Variants in SMARCAD1 observed in about 807,000 individuals in gnomAD.
The protein encoded by SMARCAD1 is SWI/SNF-related matrix-associated actin-dependent regulator of chromatin subfamily A containing DEAD/H box 1.
In SMARCAD1, 25 loss-of-function variants were observed where a neutral mutation model predicts 127.1. The observed-to-expected ratio is 0.20, with a 90% CI of 0.14 to 0.27. The LOEUF is 0.27. SMARCAD1 is among the 10% of genes least tolerant of loss of function. The probability of loss-of-function intolerance (pLI) is 1.00; values close to 1 mark genes in which losing one functional copy is unlikely to be tolerated. For missense variants in SMARCAD1, 807 were observed against 1,206.0 expected (o/e 0.67, Z 4.90); for synonymous variants, 400 against 396.9 (o/e 1.01, Z -0.09).
chr4:94,214,686 A>G (rs940067265), intron 2 of SMARCAD1, among the ~76,000 whole-genome samples: 1 of 152,214 alleles, frequency 6.6e-6, no homozygotes, highest in African/African-American at 2.4e-5. Flanking sequence ...TAACTGTGCA[A>G]AAGAATAAAG....
At chr4:94,241,335 T>C (rs2125884470) in intron 6 of SMARCAD1, among the ~76,000 whole-genome samples, 1 of 152,348 alleles carries the variant, frequency 6.6e-6, no homozygotes, top group South Asian at 2.1e-4. Context: ...CTTTTAAATT[T>C]ATCCAGTATT....
chr4:94,283,078 A>G, intron 21 of SMARCAD1, 43 bp from the exon 22 acceptor site: 1 of 1,516,456 alleles, frequency 6.6e-7, no homozygotes, highest in Non-Finnish European at 9.1e-7. Context: ...ATTACATTAT[A>G]CAACTTTTTA....
At chr4:94,287,935 G>C (rs1156280847) in intron 23 of SMARCAD1, among the ~76,000 whole-genome samples, 1 of 151,938 alleles carries the variant, frequency 6.6e-6, no homozygotes, top group African/African-American at 2.4e-5. Context: ...AGGATCGTTT[G>C]AGCCCAGGAG....
chr4:94,257,757 T>C (rs990420987), intron 9 of SMARCAD1, among the ~76,000 whole-genome samples: 2 of 152,202 alleles, frequency 1.3e-5, no homozygotes, highest in African/African-American at 4.8e-5. Flanking sequence ...TTCATGACTT[T>C]TTGTCTCATT....
At chr4:94,231,090 A>G (rs1420788380) in intron 3 of SMARCAD1, among the ~76,000 whole-genome samples, 1 of 152,200 alleles carries the variant, frequency 6.6e-6, no homozygotes, top group Non-Finnish European at 1.5e-5. Context: ...TAAAAACAAT[A>G]AGTTTGAGAA....
chr4:94,260,252 T>A (rs1579248547), intron 9 of SMARCAD1, among the ~76,000 whole-genome samples: 1 of 152,350 alleles, frequency 6.6e-6, no homozygotes, highest in Admixed American at 6.5e-5. Context: ...GACAGTAATA[T>A]CTGATTGTTA....
chr4:94,289,250 A>T (rs932273914), intron 23 of SMARCAD1, among the ~76,000 whole-genome samples: 1 of 152,162 alleles, frequency 6.6e-6, no homozygotes, highest in African/African-American at 2.4e-5. Context: ...AATTGGAAAA[A>T]TAACCTTAGA....
At chr4:94,257,290 CCCAAATTCTA>C (rs1392985984) in intron 9 of SMARCAD1, among the ~76,000 whole-genome samples, 2 of 151,932 alleles carry the variant, frequency 1.3e-5, no homozygotes, top group African/African-American at 2.4e-5. Context: ...TAAAGTTTAC[CCCAAATTCTA>C]CCAAAGATAC....
At position 94,291,275 on chromosome 4, in the gene SMARCAD1, A is replaced by C. The variant is rs1755655542; in HGVS notation, c.*1741A>C. ...CGCTATTATGTCTTGGGCTTAATAA[A>C]AATATTTGTGATCATAAGTTGTATT... On this transcript the variant is annotated 3_prime_UTR_variant, in exon 24 of 24. Coordinates refer to ENST00000354268, the MANE Select transcript of SMARCAD1 (RefSeq NM_020159.5). 4.5e-6 allele frequency: 2 copies of C among 447,458 alleles called. No homozygotes were observed. The highest frequency in any genetic ancestry group is 8.9e-6 in the Non-Finnish European group (2 of 225,206). 27.7% of individuals were successfully genotyped at this position (447,458 alleles called of 1,614,324 possible).
At chr4:94,289,354 A>T in intron 23 of SMARCAD1, 119 bp from the exon 24 acceptor site, 1 of 879,964 alleles carries the variant, frequency 1.1e-6, no homozygotes, top group Non-Finnish European at 1.8e-6. Flanking sequence ...AGTGACACTG[A>T]AGCAAACTAG....
At chr4:94,262,407 GT>G (rs1751128548) in intron 9 of SMARCAD1, among the ~76,000 whole-genome samples, 1 of 152,114 alleles carries the variant, frequency 6.6e-6, no homozygotes. Context: ...AATCTTATCA[GT>G]TTCTCCGTGT....
At chr4:94,249,791 A>G in intron 7 of SMARCAD1, 36 bp downstream of exon 7, 1 of 1,176,864 alleles carries the variant, frequency 8.5e-7, no homozygotes, top group Non-Finnish European at 1.3e-6. Flanking sequence ...ATCAGTGTGT[A>G]CTAAGTGTTT....
intron 20 of SMARCAD1, among the ~76,000 whole-genome samples, chr4:94,281,046 A>G (rs1378882509): frequency 2.6e-5 from 4 of 152,174 alleles, no homozygotes; most frequent in East Asian, 1.9e-4. Context: ...ATAGGTGACA[A>G]TCTGTATGTG....
intron 3 of SMARCAD1, among the ~76,000 whole-genome samples, chr4:94,226,507 ATT>A (rs60198579): frequency 0.34 from 37,814 of 112,756 alleles, 5,380 homozygotes; most frequent in East Asian, 0.49. Context: ...GATAACAGTG[ATT>A]TTTTTTTTTT....
intron 6 of SMARCAD1, among the ~76,000 whole-genome samples, chr4:94,245,257 G>C (rs944474926): frequency 1.3e-5 from 2 of 152,256 alleles, no homozygotes; most frequent in Non-Finnish European, 2.9e-5. Context: ...TCAGCAACTT[G>C]CTGCTTATGG....
chr4:94,247,489 T>TTA (rs1164653480), intron 6 of SMARCAD1, among the ~76,000 whole-genome samples: 1 of 152,246 alleles, frequency 6.6e-6, no homozygotes, highest in Non-Finnish European at 1.5e-5. Flanking sequence ...GAAGAGCTGT[T>TTA]TACTGTTTTC....
At chr4:94,218,433 C>G (rs554478432) in intron 2 of SMARCAD1, among the ~76,000 whole-genome samples, 1 of 152,172 alleles carries the variant, frequency 6.6e-6, no homozygotes, top group East Asian at 1.9e-4. Flanking sequence ...GCTGGTACCA[C>G]AGGCATGCAT....
In SMARCAD1 at chr4:94,213,222, G is replaced by A. The variant is rs1742568744; in HGVS notation, c.190+4638G>A. 1.1e-5 allele frequency: 6 copies of A among 562,946 alleles called. No individual in the cohort carries two copies. The South Asian group carries it at 1.2e-4, about 12-fold the overall frequency. The allele number at this position is 562,946 out of a possible 1,614,324, so 34.9% of individuals were successfully genotyped here. On this transcript the variant is annotated intron_variant, in intron 2 of 23. Transcript: ENST00000354268. The stretch of plus-strand genomic sequence containing the variant: ...ATAATAGGGCAAAATACTAAGCAAA[G>A]TAGAATCACTATCTGTAATTCACAA...
At chr4:94,246,223 A>G (rs1748397642) in intron 6 of SMARCAD1, among the ~76,000 whole-genome samples, 1 of 151,314 alleles carries the variant, frequency 6.6e-6, no homozygotes, top group African/African-American at 2.4e-5. Flanking sequence ...GGGTTCAAGC[A>G]ATTCTCCCAC....
Sources: gnomAD v4.1 joint callset for allele counts (sites outside exome capture counted in the v4.1 genomes callset) on GRCh38, gnomAD v4.1.1 for gene constraint, MANE v1.5 for transcripts, NCBI Gene and HGNC (gene_info 2026-07-23, HGNC 2026-07-21) for gene names.